INTS7: variants seen among roughly 807,000 people sequenced by gnomAD.
The protein encoded by INTS7 is chromosome 1 open reading frame 73.
In INTS7, 46 loss-of-function variants were observed where a neutral mutation model predicts 109.2. The observed-to-expected ratio is 0.42, with a 90% CI of 0.33 to 0.54. The LOEUF (loss-of-function observed/expected upper bound fraction) is 0.54. Ranked by LOEUF, INTS7 falls within the 20% of genes least tolerant of loss-of-function variation. The pLI, the probability that INTS7 is intolerant of heterozygous loss-of-function variation, is 0.07. For missense variants in INTS7, 929 were observed against 1,132.4 expected (o/e 0.82, Z 2.58); for synonymous variants, 412 against 402.9 (o/e 1.02, Z -0.27).
At chr1:212,018,902 T>C (rs1264645700) in intron 3 of INTS7, among the ~76,000 whole-genome samples, 2 of 152,186 alleles carry the variant, frequency 1.3e-5, no homozygotes, top group East Asian at 1.9e-4. Flanking sequence ...AAATGATTCA[T>C]TTAAAAAATT....
intron 1 of INTS7, among the ~76,000 whole-genome samples, chr1:212,029,678 C>T (rs559170421): frequency 6.6e-6 from 1 of 152,208 alleles, no homozygotes; most frequent in Non-Finnish European, 1.5e-5. Flanking sequence ...AAGAACACCA[C>T]AAATAAAGCA....
chr1:212,028,973 T>G (rs1297591319), intron 1 of INTS7, among the ~76,000 whole-genome samples: 1 of 152,218 alleles, frequency 6.6e-6, no homozygotes, highest in Non-Finnish European at 1.5e-5. Context: ...AAAATGCATC[T>G]CTAGCAAGCA....
At position 211,990,643 on chromosome 1, in the gene INTS7, C is replaced by G. The variant is rs543436943; in HGVS notation, c.880-2640G>C. Among the ~76,000 whole-genome samples, 9 of 152,178 alleles carry G rather than the reference C, an allele frequency of 5.9e-5. No individual in the cohort carries two copies. The South Asian group carries it at 1.9e-3, about 32-fold the overall frequency. On this transcript the variant is annotated intron_variant, in intron 7 of 19. Transcript: ENST00000366994. ...TTATCATGAAAGGAATGGAAATAGA[C>G]CTGAAAGATGCAGTATGTTTCTGGT...
rs1301923742 is a variant in INTS7 at position 211,959,013 on chromosome 1, G to A, written c.2184-6312C>T. Among the ~76,000 whole-genome samples the A allele has an allele frequency of 6.6e-6, 1 of 152,146 alleles. No individual in the cohort carries two copies. The highest frequency in any genetic ancestry group is 1.5e-5 in the Non-Finnish European group (1 of 68,022). On this transcript the variant is annotated intron_variant, in intron 16 of 19. Coordinates refer to ENST00000366994, the MANE Select transcript of INTS7 (RefSeq NM_015434.4). This position sits in a 1 kb window ranked among gnomAD's most constrained non-coding sequence, Gnocchi z 4.2. Reference sequence around the variant, plus strand: ...CCTGCATGGGGATATCGCACCGGGGGAACAGTGACTTGAACTGGCAAAAAA... The same window carrying A: ...CCTGCATGGGGATATCGCACCGGGGAAACAGTGACTTGAACTGGCAAAAAA...
At chr1:211,965,347 C>T (rs775224745) in intron 16 of INTS7, among the ~76,000 whole-genome samples, 2 of 152,056 alleles carry the variant, frequency 1.3e-5, no homozygotes, top group Non-Finnish European at 2.9e-5. Flanking sequence ...ACACTGTTGG[C>T]GGGAGTGTAA....
At chr1:211,952,770 G>C in intron 16 of INTS7, 69 bp from the exon 17 acceptor site, 2 of 1,251,024 alleles carry the variant, frequency 1.6e-6, no homozygotes. Context: ...CATGTATCAG[G>C]TACTTTCAAC....
chr1:211,993,679 C>CAAAAAAAAAAAAA (rs1333287349), intron 7 of INTS7, among the ~76,000 whole-genome samples: 5 of 54,754 alleles, frequency 9.1e-5, no homozygotes, highest in Non-Finnish European at 1.1e-4. Context: ...GACTAAAACT[C>CAAAAAAAAAAAAA]AAAAAAAAAA....
intron 8 of INTS7, among the ~76,000 whole-genome samples, chr1:211,983,915 A>G (rs1284470133): frequency 6.6e-6 from 1 of 151,690 alleles, no homozygotes; most frequent in Admixed American, 6.6e-5. Flanking sequence ...TGGTGCGATC[A>G]TGGCCTACTA....
rs756425434 is a variant in INTS7 at position 211,941,630 on chromosome 1, A to C, written c.*194T>G. On this transcript the variant is annotated 3_prime_UTR_variant, in exon 20 of 20. Transcript: ENST00000366994. ...CAGCCTCCCAAAGTGCTGGGATTAC[A>C]GGCGTGAGCAACCACGCCCAGCTGT... 25 of 690,326 alleles carry C rather than the reference A, an allele frequency of 3.6e-5. No individual in the cohort carries two copies. The highest frequency in any genetic ancestry group is 5.9e-5 in the Non-Finnish European group (25 of 425,594). The allele number at this position is 690,326 out of a possible 1,614,324, so 42.8% of individuals were successfully genotyped here. A position where few individuals can be genotyped will look rare whatever the true frequency, so the allele number is the denominator to read the frequency against.
At chr1:211,956,529 CAA>C (rs1663369644) in intron 16 of INTS7, among the ~76,000 whole-genome samples, 2 of 152,156 alleles carry the variant, frequency 1.3e-5, no homozygotes, top group Admixed American at 1.3e-4. Context: ...TTTCTTTGCA[CAA>C]AGTTATTCTT....
At chr1:211,995,499 T>G (rs1665341386) in intron 7 of INTS7, among the ~76,000 whole-genome samples, 1 of 152,048 alleles carries the variant, frequency 6.6e-6, no homozygotes, top group Non-Finnish European at 1.5e-5. Context: ...AGACAAAAGA[T>G]ACATGCAAAG....
At chr1:212,024,032 G>T (rs1321230797) in intron 1 of INTS7, among the ~76,000 whole-genome samples, 1 of 152,126 alleles carries the variant, frequency 6.6e-6, no homozygotes, top group African/African-American at 2.4e-5. Context: ...CAGGTGTGCA[G>T]CTTTATCTCT....
intron 4 of INTS7, among the ~76,000 whole-genome samples, chr1:212,013,492 T>G (rs139032161): frequency 1.1e-3 from 165 of 152,352 alleles, no homozygotes; most frequent in African/African-American, 3.9e-3. Flanking sequence ...GTTAATTTAT[T>G]GTTGAAGGAA....
intron 7 of INTS7, among the ~76,000 whole-genome samples, chr1:211,988,722 A>G (rs942194620): frequency 5.3e-5 from 8 of 151,772 alleles, no homozygotes; most frequent in African/African-American, 1.9e-4. Context: ...CTATTCTGAA[A>G]CCCCCACCAT....
chr1:211,977,549 A>G (rs1029312635), intron 11 of INTS7, among the ~76,000 whole-genome samples: 1 of 152,248 alleles, frequency 6.6e-6, no homozygotes, highest in Non-Finnish European at 1.5e-5. Flanking sequence ...TTCCCTCTGG[A>G]GGATTAAACA....
chr1:211,972,923 T>A (rs1664245748), intron 13 of INTS7, among the ~76,000 whole-genome samples: 1 of 152,190 alleles, frequency 6.6e-6, no homozygotes, highest in African/African-American at 2.4e-5. Flanking sequence ...TGTGATACCA[T>A]GAGCAGAGGA....
rs1283480393 is a variant in INTS7 at position 212,006,787 on chromosome 1, A to C, written c.757-26T>G. The stretch of plus-strand genomic sequence containing the variant: ...CTATAAAGGAAATAAGTCACTCCAT[A>C]AACAATACTGTAACTGAAATGATCA... On this transcript the variant is annotated intron_variant, in intron 6 of 19. Coordinates refer to ENST00000366994, the MANE Select transcript of INTS7 (RefSeq NM_015434.4). 4 of 1,563,282 alleles carry C rather than the reference A, an allele frequency of 2.6e-6. No individual in the cohort carries two copies. In the East Asian group the frequency reaches 9.2e-5, roughly 36 times the overall value.
Position 211,958,563 on chromosome 1 carries a change from T to A in INTS7, c.2184-5862A>T, listed in dbSNP as rs560035792. On this transcript the variant is annotated intron_variant, in intron 16 of 19. Transcript: ENST00000366994. ...CTTCTTGGCTCTGTGGGTTTATATG[T>A]TTAATTAAATATAAATGACTTTTAG... is the stretch of plus-strand genomic sequence containing the variant. 5.3e-5 allele frequency among the ~76,000 whole-genome samples: 8 copies of A among 152,306 alleles called. No individual in the cohort carries two copies. The South Asian group carries it at 1.7e-3, about 32-fold the overall frequency.
At chr1:212,009,128 T>TCAGGATTCTGTTCCTAAA (rs1666058122) in intron 5 of INTS7, among the ~76,000 whole-genome samples, 1 of 152,188 alleles carries the variant, frequency 6.6e-6, no homozygotes, top group Non-Finnish European at 1.5e-5. Context: ...AAACCAAATG[T>TCAGGATTCTGTTCCTAAA]CAGGATTCTG....
Sources: gnomAD v4.1 joint callset for allele counts (sites outside exome capture counted in the v4.1 genomes callset) on GRCh38, gnomAD v4.1.1 for gene constraint, Gnocchi (gnomAD v3.1) non-coding constraint, MANE v1.5 for transcripts, NCBI Gene and HGNC (gene_info 2026-07-23, HGNC 2026-07-21) for gene names.